POLA1: variants seen among roughly 807,000 people sequenced by gnomAD.
The protein encoded by POLA1 is DNA polymerase alpha 1, catalytic subunit.
Under a neutral mutation model 124.0 loss-of-function variants are expected in POLA1, and 15 were observed. The ratio of observed to expected loss-of-function variants is 0.12; its 90% CI spans 0.08 to 0.19. The LOEUF is 0.19. Ranked by LOEUF, POLA1 falls within the 10% of genes least tolerant of loss-of-function variation. The pLI is 1.00. For synonymous variants in POLA1, 408 were observed against 389.4 expected (o/e 1.05, Z -0.56); for missense variants, 886 against 1,103.4 (o/e 0.80, Z 2.79).
chrX:24,991,514 C>A (rs2048535665), intron 36 of POLA1, among the ~76,000 whole-genome samples: 1 of 112,660 alleles, frequency 8.9e-6, no homozygotes, highest in African/African-American at 3.2e-5. Context: ...CCCAAACTTC[C>A]ACTGAACAAC....
intron 22 of POLA1, among the ~76,000 whole-genome samples, 160 bp from the exon 23 acceptor site, chrX:24,743,070 C>T (rs956368983): frequency 1.5e-4 from 17 of 112,116 alleles, no homozygotes; most frequent in African/African-American, 5.2e-4. Context: ...CATTTGGATT[C>T]GTGAACATAT....
chrX:24,907,303 C>T (rs1457642060), intron 35 of POLA1, among the ~76,000 whole-genome samples: 1 of 110,819 alleles, frequency 9.0e-6, no homozygotes, highest in East Asian at 2.8e-4. Flanking sequence ...ACAGTCATGT[C>T]ATTGGAATAA....
At chrX:24,947,345 G>A (rs1267927843) in intron 36 of POLA1, among the ~76,000 whole-genome samples, 1 of 88,422 alleles carries the variant, frequency 1.1e-5, no homozygotes, top group Non-Finnish European at 2.1e-5. Context: ...ACGGCTCACT[G>A]CAGCCTTGAC....
At chrX:24,915,345 A>G (rs761826711) in intron 35 of POLA1, among the ~76,000 whole-genome samples, 3 of 111,996 alleles carry the variant, frequency 2.7e-5, no homozygotes, top group South Asian at 7.6e-4. Flanking sequence ...TTTCTTCACA[A>G]AATTAACTGG....
At chrX:24,700,705 C>T (rs983335996) in intron 2 of POLA1, among the ~76,000 whole-genome samples, 13 of 111,716 alleles carry the variant, frequency 1.2e-4, no homozygotes, top group African/African-American at 3.9e-4. Flanking sequence ...GACGGGCTTT[C>T]ACCATGTTGG....
At chrX:24,810,460 TCTC>T (rs1307060314) in intron 27 of POLA1, among the ~76,000 whole-genome samples, 1 of 111,523 alleles carries the variant, frequency 9.0e-6, no homozygotes, top group Non-Finnish European at 1.9e-5. Context: ...TAGACACAAT[TCTC>T]CTTCCACTCC....
At position 24,841,723 on chromosome X, in the gene POLA1, C is replaced by T. The variant is rs1317812981; in HGVS notation, c.3808C>T (p.Pro1270Ser). ...AGAGAATGATGCTCTACTTGGTGGCCCAGCACAGCTCACTGATGAAGAGAA... is the reference window on the plus strand; with the variant it reads ...AGAGAATGATGCTCTACTTGGTGGCTCAGCACAGCTCACTGATGAAGAGAA... ...DEENDALLGGPAQLTDEEKYR... is the reference protein window; with the variant it reads ...DEENDALLGGSAQLTDEEKYR... Residue 1270 changes from proline to serine, a missense_variant, in exon 33 of 37, where the codon CCA (proline) becomes TCA (serine). Around this residue, in one of 7 missense-constraint regions of POLA1, gnomAD observed 313 missense variants for 359.7 expected, o/e 0.87. Transcript: ENST00000379068. The T allele has an allele frequency of 8.4e-7, 1 of 1,186,365 alleles. No individual in the cohort carries two copies. The highest frequency in any genetic ancestry group is 1.1e-6 in the Non-Finnish European group (1 of 874,326).
chrX:24,788,791 T>C, intron 26 of POLA1: 1 of 1,202,023 alleles, frequency 8.3e-7, no homozygotes, highest in South Asian at 1.8e-5. Context: ...CTTTACTATC[T>C]GTAGCTCCAC....
intron 33 of POLA1, among the ~76,000 whole-genome samples, chrX:24,843,147 G>T (rs180894421): frequency 1.8e-5 from 2 of 111,475 alleles, no homozygotes; most frequent in East Asian, 5.6e-4. Context: ...TGTGATAAAG[G>T]CTCTTGTTTT....
At chrX:24,919,845 GTTTTTTT>G (rs10573475) in intron 35 of POLA1, among the ~76,000 whole-genome samples, 2 of 34,797 alleles carry the variant, frequency 5.7e-5, no homozygotes, top group African/African-American at 1.1e-4. Context: ...TTGTTTTTCT[GTTTTTTT>G]TTTTTTTTTT....
intron 33 of POLA1, among the ~76,000 whole-genome samples, chrX:24,843,247 T>A (rs1479471938): frequency 8.9e-6 from 1 of 112,122 alleles, no homozygotes; most frequent in African/African-American, 3.2e-5. Context: ...ATGACTTCAC[T>A]GGTATTTACA....
rs541781717 is a variant in POLA1 at position 24,767,901 on chromosome X, A to G, written c.2964+18909A>G. On this transcript the variant is annotated intron_variant, in intron 26 of 36. Coordinates refer to ENST00000379068, the MANE Select transcript of POLA1 (RefSeq NM_001330360.2). ...AGTTAGTATGGGGTTTTATGTCATT[A>G]TTTTATTTCCCTTTTATAGTTGAGA... Among the ~76,000 whole-genome samples, 45 of 112,135 alleles carry G rather than the reference A, an allele frequency of 4.0e-4. No individual in the cohort carries two copies. In the South Asian group the frequency reaches 0.016, roughly 39 times the overall value.
rs745439747 is a variant in POLA1 at position 24,727,868 on chromosome X, C to T, written c.1618C>T (p.Pro540Ser). Residue 540 changes from proline to serine, a missense_variant, in exon 15 of 37, where the codon CCA becomes TCA. By Grantham distance (74) the Pro-to-Ser change is moderately conservative. Transcript: ENST00000379068. Reference sequence around the variant, plus strand: ...GGTGAATGTAATTAAGGATGTCAGTCCACCACCGCTTGTCGTGATGGCTTT... The same window carrying T: ...GGTGAATGTAATTAAGGATGTCAGTTCACCACCGCTTGTCGTGATGGCTTT... The part of the protein sequence containing the change: ...DLVNVIKDVS[P>S]PPLVVMAFSM... 2 of 1,207,820 alleles carry T rather than the reference C, an allele frequency of 1.7e-6. No individual in the cohort carries two copies. Among genetic ancestry groups the T allele is most frequent in the Non-Finnish European group, 2.2e-6 (2 of 891,807 alleles).
chrX:24,745,495 T>C lies in POLA1; in HGVS notation c.2644T>C (p.Phe882Leu). The change falls in exon 24 of 37, where the codon TTT (phenylalanine) becomes CTT (leucine). Residue 882 changes from phenylalanine (F) to leucine (L), a missense_variant. This residue lies in a region of POLA1 where 182 missense variants were observed against 252.8 expected (regional missense o/e 0.72). Coordinates refer to ENST00000379068, the MANE Select transcript of POLA1 (RefSeq NM_001330360.2). ...PSIIQEFNIC[F>L]TTVQRVASEA... is the part of the protein sequence containing the mutation. ...CATCATTCAGGAATTTAACATTTGT[T>C]TTACAACAGTACAAAGAGTTGCTTC... The C allele has an allele frequency of 8.6e-7, 1 of 1,156,402 alleles. No individual in the cohort carries two copies. The highest frequency in any genetic ancestry group is 3.0e-5 in the East Asian group (1 of 33,460).
At chrX:24,927,955 AGTG>A in intron 35 of POLA1, among the ~76,000 whole-genome samples, 1 of 112,021 alleles carries the variant, frequency 8.9e-6, no homozygotes, top group Non-Finnish European at 1.9e-5. Context: ...ATCACAAATT[AGTG>A]GTGCAAAATC....
Position 24,741,357 on chromosome X carries a change from T to C in POLA1, c.2217-18T>C. ...TTTTAATTACTTGATTCTGTTTCATTCTTACTTTTCTGTACAGTGAATCTT... is the reference window on the plus strand; with the variant it reads ...TTTTAATTACTTGATTCTGTTTCATCCTTACTTTTCTGTACAGTGAATCTT... On this transcript the variant is annotated intron_variant, in intron 20 of 36. Transcript: ENST00000379068. 1 of 1,155,279 alleles carries C rather than the reference T, an allele frequency of 8.7e-7. No individual in the cohort carries two copies. Among genetic ancestry groups the C allele is most frequent in the Non-Finnish European group, 1.2e-6 (1 of 850,537 alleles).
intron 26 of POLA1, among the ~76,000 whole-genome samples, chrX:24,767,117 G>A (rs1489301976): frequency 9.0e-6 from 1 of 111,719 alleles, no homozygotes; most frequent in Non-Finnish European, 1.9e-5. Flanking sequence ...GGAGATTGCT[G>A]CTATAATCAC....
At chrX:24,778,057 A>T (rs2045176633) in intron 26 of POLA1, among the ~76,000 whole-genome samples, 1 of 112,505 alleles carries the variant, frequency 8.9e-6, no homozygotes. Context: ...TTGGAAATGA[A>T]AGATGGGATT....
chrX:24,726,801 C>A, intron 13 of POLA1, 132 bp from the exon 14 acceptor site: 1 of 428,762 alleles, frequency 2.3e-6, no homozygotes, highest in Non-Finnish European at 3.8e-6. Flanking sequence ...TGGCAAATTA[C>A]ATTTCATATA....
Sources: allele counts gnomAD v4.1 joint callset (sites outside exome capture counted in the v4.1 genomes callset), GRCh38; gene constraint gnomAD v4.1.1; regional missense constraint gnomAD v4.1.1; transcripts MANE v1.5; gene names NCBI Gene and HGNC (gene_info 2026-07-23, HGNC 2026-07-21).